The following TRMT11 variants were observed in gnomAD, a reference collection of about 807,000 sequenced individuals.
TRMT11 encodes the protein tRNA (guanine(10)-N(2))-methyltransferase TRMT11.
In TRMT11, 53 loss-of-function variants were observed where a neutral mutation model predicts 62.8. The observed-to-expected ratio is 0.84, with a 90% CI of 0.68 to 1.06. The LOEUF (loss-of-function observed/expected upper bound fraction) is 1.06, where lower values mean the gene tolerates loss of function less well. TRMT11 is among the 50% of genes least tolerant of loss of function. The probability of loss-of-function intolerance (pLI) is 0.00; values close to 1 mark genes in which losing one functional copy is unlikely to be tolerated. For missense variants in TRMT11, 556 were observed against 553.4 expected (o/e 1.00, Z -0.05); for synonymous variants, 188 against 190.3 (o/e 0.99, Z 0.10).
the TRMT11 span, among the ~76,000 whole-genome samples, chr6:126,262,053 C>G: frequency 6.6e-6 from 1 of 152,126 alleles, no homozygotes; most frequent in Non-Finnish European, 1.5e-5. Context: ...AGCATTGCTG[C>G]GGGACCAGCT....
At chr6:126,011,878 C>T (rs1239816246) in intron 9 of TRMT11, among the ~76,000 whole-genome samples, 1 of 152,144 alleles carries the variant, frequency 6.6e-6, no homozygotes, top group East Asian at 1.9e-4. Flanking sequence ...CTGGCATCTC[C>T]TTTCTAGCAT....
At chr6:126,209,006 A>T in the TRMT11 span, among the ~76,000 whole-genome samples, 1 of 152,232 alleles carries the variant, frequency 6.6e-6, no homozygotes, top group Non-Finnish European at 1.5e-5. Flanking sequence ...GCAGAGATGG[A>T]GACAATATGC....
At chr6:126,207,443 T>C (rs1275113473), downstream of TRMT11, among the ~76,000 whole-genome samples, 2 of 152,176 alleles carry the variant, frequency 1.3e-5, no homozygotes, top group Admixed American at 1.3e-4. Flanking sequence ...GAGATACTAG[T>C]TTCACACCAC....
Position 126,038,790 on chromosome 6 carries a change from G to C in TRMT11, c.1346G>C (p.Gly449Ala), listed in dbSNP as rs577359033. The C allele has an allele frequency of 6.2e-7, 1 of 1,604,574 alleles. No homozygotes were observed. The highest frequency in any genetic ancestry group is 1.3e-5 in the African/African-American group (1 of 74,292). ...TCCTTCCGTGAGAAATATTTTAGTG[G>C]GGTAACAAAAAGAATTGCCAAGGAA... ...HNSFREKYFSGVTKRIAKEEK... is the reference protein window; with the variant it reads ...HNSFREKYFSAVTKRIAKEEK... Residue 449 changes from glycine (G) to alanine (A), a missense_variant, in exon 13 of 13, where the codon GGG becomes GCG. Coordinates refer to ENST00000334379, the MANE Select transcript of TRMT11 (RefSeq NM_001031712.3).
At position 126,124,259 on chromosome 6, in the gene TRMT11, C is replaced by T. The variant is rs141577886; in HGVS notation, c.*1823+8404C>T. Among the ~76,000 whole-genome samples the T allele has an allele frequency of 9.7e-3, 1,479 of 152,088 alleles. 15 individuals carry two copies. The highest frequency in any genetic ancestry group is 0.034 in the African/African-American group (1,418 of 41,492). ...TGTCTTAGTTCTTTTCTCTTGGGTC[C>T]GTTAGTTTCTCTGGAGAGGAATTTT... On this transcript the variant is annotated intron_variant and NMD_transcript_variant, in intron 21 of 22. Coordinates refer to the TRMT11 transcript ENST00000648977.
chr6:126,063,111 A>T (rs1776585474), intron 17 of TRMT11, among the ~76,000 whole-genome samples: 1 of 152,202 alleles, frequency 6.6e-6, no homozygotes, highest in African/African-American at 2.4e-5. Flanking sequence ...TATAAGTGAA[A>T]GTATTCCAAT....
intron 17 of TRMT11, among the ~76,000 whole-genome samples, chr6:126,068,925 G>A (rs1776766069): frequency 6.6e-6 from 1 of 152,234 alleles, no homozygotes; most frequent in African/African-American, 2.4e-5. Context: ...AATGATGGCT[G>A]TAACAGAAGT....
At chr6:126,047,419 G>A (rs1776091162) in intron 16 of TRMT11, among the ~76,000 whole-genome samples, 1 of 151,768 alleles carries the variant, frequency 6.6e-6, no homozygotes, top group African/African-American at 2.4e-5. Context: ...CAGGATGGCT[G>A]AACTGCAGGG....
At chr6:126,241,108 AC>A in the TRMT11 span, among the ~76,000 whole-genome samples, 1 of 151,998 alleles carries the variant, frequency 6.6e-6, no homozygotes, top group Non-Finnish European at 1.5e-5. Context: ...GCCATCTGTC[AC>A]CCCTTTCCTT....
chr6:126,015,014 G>A (rs527241573), intron 11 of TRMT11, among the ~76,000 whole-genome samples: 8 of 151,780 alleles, frequency 5.3e-5, no homozygotes, highest in Non-Finnish European at 1.2e-4. Context: ...AAGGGTTGCT[G>A]CCTTAGCCAA....
At chr6:126,043,526 G>C (rs1162367696), downstream of TRMT11, among the ~76,000 whole-genome samples, 47 of 149,878 alleles carry the variant, frequency 3.1e-4, no homozygotes, top group African/African-American at 1.1e-3. Context: ...GTGTGCATGT[G>C]TCTTTATAGC....
chr6:126,108,966 T>C (rs1777496242), intron 17 of TRMT11, among the ~76,000 whole-genome samples: 1 of 152,190 alleles, frequency 6.6e-6, no homozygotes, highest in Non-Finnish European at 1.5e-5. Flanking sequence ...TCCAAAAAGT[T>C]ACGAGTACAG....
chr6:126,187,573 CT>C (rs1207174726), intron 1 of TRMT11, among the ~76,000 whole-genome samples: 1 of 151,920 alleles, frequency 6.6e-6, no homozygotes, highest in East Asian at 1.9e-4. Flanking sequence ...TCTCAACATA[CT>C]TTTTTGGAGA....
At chr6:126,151,931 C>CTTTCTTTCTTTCTTTCTTTCTTTCTT (rs1562334964) in intron 21 of TRMT11, among the ~76,000 whole-genome samples, 2 of 93,418 alleles carry the variant, frequency 2.1e-5, no homozygotes, top group African/African-American at 1.1e-4. Context: ...TTCTTTCTTT[C>CTTTCTTTCTTTCTTTCTTTCTTTCTT]TTTCTTTCTT....
chr6:126,194,269 T>C (rs995579709), intron 1 of TRMT11, among the ~76,000 whole-genome samples: 4 of 152,202 alleles, frequency 2.6e-5, no homozygotes, highest in Middle Eastern at 3.2e-3. Context: ...CTACTATTAT[T>C]ATATTGCAGC....
chr6:126,039,913 C>T (rs1024036672), downstream of TRMT11, among the ~76,000 whole-genome samples: 14 of 152,214 alleles, frequency 9.2e-5, no homozygotes, highest in Admixed American at 5.9e-4. Context: ...AAAGAGACAT[C>T]AGGCTATCTG....
chr6:126,243,138 A>C, the TRMT11 span, among the ~76,000 whole-genome samples: 2 of 152,254 alleles, frequency 1.3e-5, no homozygotes, highest in Non-Finnish European at 2.9e-5. Flanking sequence ...ATGAACAGAC[A>C]CTTCTCAAAA....
chr6:126,136,703 T>G (rs112047651), intron 21 of TRMT11, among the ~76,000 whole-genome samples: 1,747 of 151,960 alleles, frequency 0.011, 35 homozygotes, highest in African/African-American at 0.039. Flanking sequence ...AGAACAAAGC[T>G]GGAAACATCA....
intron 7 of TRMT11, among the ~76,000 whole-genome samples, chr6:126,002,439 A>G (rs980894785): frequency 2.6e-5 from 4 of 152,050 alleles, no homozygotes; most frequent in Non-Finnish European, 4.4e-5. Context: ...CCTCATTCCT[A>G]TATCTGAAAT....
Sources: gnomAD v4.1 joint callset for allele counts (sites outside exome capture counted in the v4.1 genomes callset) on GRCh38, gnomAD v4.1.1 for gene constraint, MANE v1.5 for transcripts, NCBI Gene and HGNC (gene_info 2026-07-23, HGNC 2026-07-21) for gene names.